NECTIN1: variants seen among roughly 807,000 people sequenced by gnomAD.
NECTIN1 encodes nectin cell adhesion molecule 1.
NECTIN1 carries 23 observed loss-of-function variants against 48.0 expected under a neutral mutation model. That is an observed-to-expected ratio of 0.48 (90% confidence interval 0.34 to 0.68). The LOEUF (loss-of-function observed/expected upper bound fraction) is 0.68. Among genes scored for constraint, NECTIN1 ranks in the 30% least tolerant of loss-of-function variants. NECTIN1 has a pLI of 0.01. For missense variants in NECTIN1, 591 were observed against 709.9 expected, an observed-to-expected ratio of 0.83 and a Z score of 1.90; for synonymous variants, 270 against 288.9, an observed-to-expected ratio of 0.93 and a Z score of 0.66.
In NECTIN1 at chr11:119,638,287, T is replaced by C. The variant is rs1421997950; in HGVS notation, c.1228-40A>G. The C allele has an allele frequency of 5.0e-6, 8 of 1,612,176 alleles. No individual in the cohort carries two copies. In the African/African-American group the frequency reaches 1.1e-4, roughly 22 times the overall value. On this transcript the variant is annotated intron_variant, in intron 7 of 7. Transcript: ENST00000341398. Reference sequence around the variant, plus strand: ...GGTGAGTGCTGCACAGACCTTTCCATGCCCCTGCTCCAGGTGGCCCTCATG... The same window carrying C: ...GGTGAGTGCTGCACAGACCTTTCCACGCCCCTGCTCCAGGTGGCCCTCATG...
chr11:119,695,887 C>T (rs1865334135), intron 1 of NECTIN1, among the ~76,000 whole-genome samples: 2 of 152,160 alleles, frequency 1.3e-5, no homozygotes, highest in South Asian at 4.1e-4. Context: ...CTGGAATAAT[C>T]AAGAGGAAGG....
intron 5 of NECTIN1, among the ~76,000 whole-genome samples, chr11:119,667,213 A>G (rs1864787148): frequency 6.6e-6 from 1 of 152,094 alleles, no homozygotes; most frequent in Admixed American, 6.5e-5. Flanking sequence ...ACGAGATGGG[A>G]GCAGCCTCCA....
chr11:119,692,486 C>T (rs1865275105), intron 1 of NECTIN1, among the ~76,000 whole-genome samples: 1 of 152,164 alleles, frequency 6.6e-6, no homozygotes, highest in Non-Finnish European at 1.5e-5. Flanking sequence ...CTTTCGGCCA[C>T]CCCAAGGTTG....
At position 119,662,576 on chromosome 11, in the gene NECTIN1, T is replaced by C; in HGVS notation, c.*2171A>G. 1 of 985,578 alleles carries C rather than the reference T, an allele frequency of 1.0e-6. No individual in the cohort carries two copies. 61.1% of individuals were successfully genotyped at this position (985,578 alleles called of 1,614,324 possible). On this transcript the variant is annotated 3_prime_UTR_variant, in exon 6 of 6. Transcript: ENST00000264025. The surrounding 1 kb of genome is among the most constrained non-coding windows in gnomAD (Gnocchi z 5.3). Reference sequence around the variant, plus strand: ...GGGTGGCAGTGCAGGATAAAGGAGATGCAGGAGGAGACAGGGACAGGAAAT... The same window carrying C: ...GGGTGGCAGTGCAGGATAAAGGAGACGCAGGAGGAGACAGGGACAGGAAAT...
chr11:119,695,896 G>A (rs1019091634), intron 1 of NECTIN1, among the ~76,000 whole-genome samples: 1 of 152,182 alleles, frequency 6.6e-6, no homozygotes, highest in Non-Finnish European at 1.5e-5. Flanking sequence ...TCAAGAGGAA[G>A]GTGCTACCTA....
At chr11:119,697,460 G>A (rs538511985) in intron 1 of NECTIN1, among the ~76,000 whole-genome samples, 1 of 152,044 alleles carries the variant, frequency 6.6e-6, no homozygotes, top group East Asian at 1.9e-4. Flanking sequence ...GTAGGCTCCC[G>A]CAACCCTAAA....
intron 5 of NECTIN1, among the ~76,000 whole-genome samples, chr11:119,651,524 C>A (rs925780084): frequency 6.6e-6 from 1 of 152,074 alleles, no homozygotes; most frequent in African/African-American, 2.4e-5. Flanking sequence ...CCCTGGAGCC[C>A]CTTCTCTGCT....
At chr11:119,652,763 C>T (rs1295027133) in intron 5 of NECTIN1, among the ~76,000 whole-genome samples, 2 of 152,170 alleles carry the variant, frequency 1.3e-5, no homozygotes, top group Non-Finnish European at 2.9e-5. Flanking sequence ...CACTCTGGAA[C>T]ACTGATTGTA....
In NECTIN1 at chr11:119,678,998, T is replaced by C. The variant is rs565079676; in HGVS notation, c.80-233A>G. Among the ~76,000 whole-genome samples the C allele has an allele frequency of 6.6e-6, 1 of 152,366 alleles. No individual in the cohort carries two copies. The highest frequency in any genetic ancestry group is 1.9e-4 in the East Asian group (1 of 5,194). On this transcript the variant is annotated intron_variant, in intron 1 of 5. Coordinates refer to ENST00000264025, the MANE Select transcript of NECTIN1 (RefSeq NM_002855.5). This position sits in a 1 kb window ranked among gnomAD's most constrained non-coding sequence, Gnocchi z 4.4. ...TCAGGATAATCTTGAAGGATCTATC[T>C]CCTTTTACTTTATATCTGTGTATAT...
chr11:119,640,268 C>T (rs1362584483), intron 5 of NECTIN1: 3 of 551,698 alleles, frequency 5.4e-6, no homozygotes, highest in Non-Finnish European at 9.8e-6. Flanking sequence ...GGAGGTAGAA[C>T]AAGGGTGAGG....
At chr11:119,680,333 G>T (rs1437790252) in intron 1 of NECTIN1, among the ~76,000 whole-genome samples, 3 of 152,148 alleles carry the variant, frequency 2.0e-5, no homozygotes, top group Non-Finnish European at 4.4e-5. Flanking sequence ...TCATGTCTTT[G>T]TATCCTTACT....
Position 119,663,266 on chromosome 11 carries a change from G to A in NECTIN1, c.*1481C>T. On this transcript the variant is annotated 3_prime_UTR_variant, in exon 6 of 6. Coordinates refer to ENST00000264025, the MANE Select transcript of NECTIN1 (RefSeq NM_002855.5). Reference sequence around the variant, plus strand: ...TAGAGTGCCAGGGGATCTGGGAGCAGATGGAGGAACTGAGGCACTTTGAGC... The same window carrying A: ...TAGAGTGCCAGGGGATCTGGGAGCAAATGGAGGAACTGAGGCACTTTGAGC... 1 of 985,584 alleles carries A rather than the reference G, an allele frequency of 1.0e-6. No individual in the cohort carries two copies. Among genetic ancestry groups the A allele is most frequent in the Non-Finnish European group, 1.2e-6 (1 of 830,030 alleles). The allele number at this position is 985,584 out of a possible 1,614,324, so 61.1% of individuals were successfully genotyped here. A position where few individuals can be genotyped will look rare whatever the true frequency, so the allele number is the denominator to read the frequency against.
intron 1 of NECTIN1, chr11:119,714,047 C>G (rs992033609): frequency 3.3e-6 from 1 of 307,498 alleles, no homozygotes; most frequent in Non-Finnish European, 6.6e-6. Flanking sequence ...GAGGGTACAT[C>G]GAAGCTCAGA....
rs1865959424 is a variant in NECTIN1, at chr11:119,728,602, CGCAGCAGAAACCAGCCCGGAAGAT to C, written c.-73_-50del. 7 of 1,352,644 alleles carry C rather than the reference CGCAGCAGAAACCAGCCCGGAAGAT, an allele frequency of 5.2e-6. No individual in the cohort carries two copies. The highest frequency in any genetic ancestry group is 7.1e-6 in the Non-Finnish European group (7 of 989,610). The allele number at this position is 1,352,644 out of a possible 1,614,324, so 83.8% of individuals were successfully genotyped here. A position where few individuals can be genotyped will look rare whatever the true frequency, so the allele number is the denominator to read the frequency against. On this transcript the variant is annotated 5_prime_UTR_variant, in exon 1 of 6. Coordinates refer to ENST00000264025, the MANE Select transcript of NECTIN1 (RefSeq NM_002855.5). Reference sequence around the variant, plus strand: ...GGGGCGGCGAGGGCAGCGCTCCTCGCGCAGCAGAAACCAGCCCGGAAGATGAGGGAAGATCGCTGGCGGTCGGCG... The same window carrying C: ...GGGGCGGCGAGGGCAGCGCTCCTCGCGAGGGAAGATCGCTGGCGGTCGGCG...
At chr11:119,675,512 A>C (rs752773983) in intron 4 of NECTIN1, 1 of 585,724 alleles carries the variant, frequency 1.7e-6, no homozygotes, top group Non-Finnish European at 3.0e-6. Context: ...ATTTGATCAT[A>C]ATATGGGAAT....
At position 119,661,357 on chromosome 11, in the gene NECTIN1, G is replaced by A. The variant is rs1408016131; in HGVS notation, c.*3390C>T. ...CCTCACAAGCTGGGCAGTGTTGGCA[G>A]CAGTGGCAGCAGCAGAGGGGCCTGC... On this transcript the variant is annotated 3_prime_UTR_variant, in exon 6 of 6. Transcript: ENST00000264025. 8.1e-6 allele frequency: 8 copies of A among 986,594 alleles called. No individual in the cohort carries two copies. In the African/African-American group the frequency reaches 1.2e-4, roughly 15 times the overall value. 61.1% of individuals were successfully genotyped at this position (986,594 alleles called of 1,614,324 possible).
chr11:119,651,673 C>A (rs1864492224), intron 5 of NECTIN1, among the ~76,000 whole-genome samples: 1 of 152,140 alleles, frequency 6.6e-6, no homozygotes, highest in South Asian at 2.1e-4. Flanking sequence ...CCCACTGCAG[C>A]TGCCACACAC....
At chr11:119,645,894 A>C (rs1864391089) in intron 5 of NECTIN1, among the ~76,000 whole-genome samples, 1 of 152,184 alleles carries the variant, frequency 6.6e-6, no homozygotes, top group African/African-American at 2.4e-5. Flanking sequence ...CGAAGAAGTC[A>C]CAGAGTTCTT....
chr11:119,669,135 G>A (rs1864824317), intron 5 of NECTIN1, among the ~76,000 whole-genome samples: 1 of 152,206 alleles, frequency 6.6e-6, no homozygotes, highest in Non-Finnish European at 1.5e-5. Context: ...ATGCAGGCTG[G>A]GCACAGTGGC....
Sources: gnomAD v4.1 joint callset for allele counts (sites outside exome capture counted in the v4.1 genomes callset) on GRCh38, gnomAD v4.1.1 for gene constraint, Gnocchi (gnomAD v3.1) non-coding constraint, MANE v1.5 for transcripts, NCBI Gene and HGNC (gene_info 2026-07-23, HGNC 2026-07-21) for gene names.